Variants in CDH23 observed in about 807,000 individuals in gnomAD.
The protein encoded by CDH23 is cadherin related 23, also known as cadherin-23.
In CDH23, 189 loss-of-function variants were observed where a neutral mutation model predicts 317.1. The ratio of observed to expected loss-of-function variants is 0.60; its 90% CI spans 0.53 to 0.67. CDH23 has a LOEUF of 0.67. CDH23 is among the 30% of genes least tolerant of loss of function. CDH23 has a pLI of 0.00. For synonymous variants in CDH23, 1,839 were observed against 1,876.8 expected (o/e 0.98, Z 0.52); for missense variants, 4,401 against 4,592.4 (o/e 0.96, Z 1.20).
intron 11 of CDH23, among the ~76,000 whole-genome samples, chr10:71,625,209 G>A (rs749564031): frequency 1.7e-4 from 26 of 151,654 alleles, no homozygotes; most frequent in East Asian, 1.9e-4. Flanking sequence ...TCCACTGGGC[G>A]ACCTCCCAAA....
intron 3 of CDH23, among the ~76,000 whole-genome samples, chr10:71,460,790 G>C (rs996696969): frequency 1.3e-5 from 2 of 152,184 alleles, no homozygotes; most frequent in African/African-American, 4.8e-5. Flanking sequence ...ATGTGGAGTT[G>C]GGGCGGTAGT....
chr10:71,525,486 T>A (rs1854985902), intron 6 of CDH23, among the ~76,000 whole-genome samples: 1 of 152,104 alleles, frequency 6.6e-6, no homozygotes, highest in Non-Finnish European at 1.5e-5. Flanking sequence ...GCTGGTGGTT[T>A]TTGGGAACAA....
intron 9 of CDH23, among the ~76,000 whole-genome samples, chr10:71,596,917 C>T (rs949481958): frequency 1.3e-5 from 2 of 152,162 alleles, no homozygotes; most frequent in Admixed American, 6.5e-5. Flanking sequence ...CTGCCCGGCA[C>T]TCCCTTCCTC....
At chr10:71,521,854 G>A (rs1854706294) in intron 6 of CDH23, among the ~76,000 whole-genome samples, 2 of 152,196 alleles carry the variant, frequency 1.3e-5, no homozygotes, top group African/African-American at 4.8e-5. Flanking sequence ...TGGGCCCTCT[G>A]CCTCTTGACC....
intron 60 of CDH23, among the ~76,000 whole-genome samples, chr10:71,809,167 C>T (rs936358816): frequency 2.9e-5 from 2 of 68,826 alleles, no homozygotes; most frequent in Non-Finnish European, 5.0e-5. Flanking sequence ...TTTCTTTTTC[C>T]TTTTTTTTTT....
At chr10:71,474,289 G>A (rs541236732) in intron 3 of CDH23, among the ~76,000 whole-genome samples, 32 of 152,338 alleles carry the variant, frequency 2.1e-4, no homozygotes, top group African/African-American at 7.7e-4. Context: ...AGCTCCAGGA[G>A]TAAGTTTGAA....
rs576504110 is a variant in CDH23 at position 71,494,859 on chromosome 10, G to A, written c.146-15223G>A. Among the ~76,000 whole-genome samples the A allele has an allele frequency of 3.5e-4, 54 of 152,310 alleles. 1 individual carries two copies. Among genetic ancestry groups the A allele is most frequent in the Middle Eastern group, 3.4e-3 (1 of 294 alleles). ...TGAGTACCTGGAAGGCCTCTGGTAGGATGAGAGAGACCCAGCCCTGCCCCT... is the reference window on the plus strand; with the variant it reads ...TGAGTACCTGGAAGGCCTCTGGTAGAATGAGAGAGACCCAGCCCTGCCCCT... On this transcript the variant is annotated intron_variant, in intron 3 of 69. Coordinates refer to ENST00000224721, the MANE Select transcript of CDH23 (RefSeq NM_022124.6).
chr10:71,656,883 A>G (rs1343214854), intron 14 of CDH23, among the ~76,000 whole-genome samples: 1 of 152,012 alleles, frequency 6.6e-6, no homozygotes, highest in East Asian at 1.9e-4. Flanking sequence ...CTGAGGATGG[A>G]TCTCCTCGAT....
At chr10:71,525,098 G>A (rs905359657) in intron 6 of CDH23, among the ~76,000 whole-genome samples, 2 of 151,982 alleles carry the variant, frequency 1.3e-5, no homozygotes, top group African/African-American at 4.8e-5. Flanking sequence ...AGTAGAGACT[G>A]GGTTTCACCA....
At position 71,446,299 on chromosome 10, in the gene CDH23, C is replaced by T. The variant is rs750084299; in HGVS notation, c.68-19C>T. 1.8e-5 allele frequency: 29 copies of T among 1,613,422 alleles called. No homozygotes were observed. Among genetic ancestry groups the T allele is most frequent in the Non-Finnish European group, 2.4e-5 (28 of 1,179,448 alleles). ...TGATGGGGGGTACTTGGCTGACGCTCTTGTCCTCTGACTTCCAGGCCAGGT... is the reference window on the plus strand; with the variant it reads ...TGATGGGGGGTACTTGGCTGACGCTTTTGTCCTCTGACTTCCAGGCCAGGT... On this transcript the variant is annotated intron_variant, in intron 2 of 69. Coordinates refer to ENST00000224721, the MANE Select transcript of CDH23 (RefSeq NM_022124.6).
chr10:71,518,941 G>A (rs558223780), intron 6 of CDH23, among the ~76,000 whole-genome samples: 50 of 152,328 alleles, frequency 3.3e-4, no homozygotes, highest in Admixed American at 5.2e-4. Flanking sequence ...CATTGGGGGC[G>A]TGGCCAAGGC....
At chr10:71,768,282 T>C (rs1264871100) in intron 38 of CDH23, among the ~76,000 whole-genome samples, 1 of 152,196 alleles carries the variant, frequency 6.6e-6, no homozygotes, top group East Asian at 1.9e-4. Context: ...GCAACTCTCC[T>C]GCCTCAGCCT....
chr10:71,416,822 C>G (rs1271447817), intron 1 of CDH23, among the ~76,000 whole-genome samples: 2 of 152,112 alleles, frequency 1.3e-5, no homozygotes, highest in Non-Finnish European at 2.9e-5. Context: ...CATGTGCCAC[C>G]ATGCCAGGCA....
chr10:71,721,835 C>T (rs7070748), intron 28 of CDH23, among the ~76,000 whole-genome samples: 4,985 of 152,296 alleles, frequency 0.033, 130 homozygotes, highest in East Asian at 0.096. Context: ...CTCTGCTGTC[C>T]CTGCATGAGC....
intron 9 of CDH23, among the ~76,000 whole-genome samples, chr10:71,612,508 GT>G (rs1860964524): frequency 6.6e-6 from 1 of 152,152 alleles, no homozygotes; most frequent in Non-Finnish European, 1.5e-5. Context: ...GGGGCTTCAG[GT>G]TTGTGAATGA....
intron 3 of CDH23, among the ~76,000 whole-genome samples, chr10:71,485,577 T>C (rs1227788561): frequency 6.6e-6 from 1 of 152,244 alleles, no homozygotes; most frequent in East Asian, 1.9e-4. Flanking sequence ...TCCATCTCAT[T>C]GGCCAGAGTC....
At position 71,813,227 on chromosome 10, in the gene CDH23, C is replaced by A; in HGVS notation, c.9634-17C>A. ...AGGGGAGGGCCTTGGTGGGGGTTAA[C>A]CCTTTCCCTCCCCCAGGGCTCGCTG... On this transcript the variant is annotated splice_polypyrimidine_tract_variant and intron_variant, in intron 68 of 69. Transcript: ENST00000224721. 1 of 1,550,308 alleles carries A rather than the reference C, an allele frequency of 6.5e-7. No individual in the cohort carries two copies. Among genetic ancestry groups the A allele is most frequent in the Non-Finnish European group, 8.7e-7 (1 of 1,146,096 alleles).
At chr10:71,420,324 C>T (rs867513965) in intron 1 of CDH23, among the ~76,000 whole-genome samples, 6 of 151,216 alleles carry the variant, frequency 4.0e-5, no homozygotes, top group South Asian at 2.1e-4. Flanking sequence ...ACCTAGGCTT[C>T]GCTCCCAGAA....
chr10:71,724,319 G>A (rs10999975), intron 29 of CDH23, among the ~76,000 whole-genome samples: 4,763 of 152,294 alleles, frequency 0.031, 125 homozygotes, highest in East Asian at 0.096. Flanking sequence ...TTGAGACGGA[G>A]TCTCCCTCTG....
Sources: gnomAD v4.1 joint callset for allele counts (sites outside exome capture counted in the v4.1 genomes callset) on GRCh38, gnomAD v4.1.1 for gene constraint, MANE v1.5 for transcripts, NCBI Gene and HGNC (gene_info 2026-07-23, HGNC 2026-07-21) for gene names.